DCAF1: variants seen among roughly 807,000 people sequenced by gnomAD.
DCAF1 encodes DDB1 and CUL4 associated factor 1, also known as DDB1- and CUL4-associated factor 1.
A neutral mutation model predicts 128.0 loss-of-function variants in DCAF1; 15 were observed. The observed-to-expected ratio is 0.12, with a 90% CI of 0.08 to 0.18. The LOEUF is 0.18. DCAF1 is among the 10% of genes least tolerant of loss of function. The pLI, the probability that DCAF1 is intolerant of heterozygous loss-of-function variation, is 1.00. For missense variants in DCAF1, 988 were observed against 1,649.5 expected (o/e 0.60, Z 6.95); for synonymous variants, 610 against 603.0 (o/e 1.01, Z -0.17).
chr3:51,492,676 T>C (rs1553658671), intron 2 of DCAF1, among the ~76,000 whole-genome samples: 1 of 152,072 alleles, frequency 6.6e-6, no homozygotes, highest in Non-Finnish European at 1.5e-5. Flanking sequence ...GTGAAGAAAC[T>C]GGAACACATA....
At chr3:51,501,536 C>T (rs1421961276), upstream of DCAF1, among the ~76,000 whole-genome samples, 1 of 152,156 alleles carries the variant, frequency 6.6e-6, no homozygotes, top group East Asian at 1.9e-4. Flanking sequence ...CACATGAATA[C>T]AAGACACAGC....
At chr3:51,489,677 C>T (rs1425969293) in intron 2 of DCAF1, among the ~76,000 whole-genome samples, 3 of 151,484 alleles carry the variant, frequency 2.0e-5, no homozygotes, top group Admixed American at 6.6e-5. Context: ...ATCCCAGCTT[C>T]GGGGGAGGCT....
Position 51,419,922 on chromosome 3 carries a change from A to G in DCAF1, c.3048T>C (p.His1016=), listed in dbSNP as rs1553631773. ...SIITEYLREQ[H]ARCKNPVATC... is the part of the protein sequence containing the mutation. Reference sequence around the variant, plus strand: ...TGGCAACTGGATTCTTGCAGCGAGCATGTTGTTCTCTAAGATACTCTGTGA... The same window carrying G: ...TGGCAACTGGATTCTTGCAGCGAGCGTGTTGTTCTCTAAGATACTCTGTGA... The change falls in exon 15 of 25, where the codon CAT becomes CAC. Residue 1016 remains histidine, a synonymous_variant. Coordinates refer to ENST00000684031, the MANE Select transcript of DCAF1 (RefSeq NM_001387579.1). 1.2e-6 allele frequency: 2 copies of G among 1,613,938 alleles called. No homozygotes were observed. The highest frequency in any genetic ancestry group is 1.3e-5 in the African/African-American group (1 of 74,944).
intron 23 of DCAF1, among the ~76,000 whole-genome samples, chr3:51,404,354 A>G (rs2089955971): frequency 6.6e-6 from 1 of 152,246 alleles, no homozygotes; most frequent in African/African-American, 2.4e-5. Context: ...CATCAACCTA[A>G]TGAAATTCAA....
intron 3 of DCAF1, among the ~76,000 whole-genome samples, chr3:51,478,981 C>T (rs1705826312): frequency 1.3e-5 from 2 of 152,240 alleles, no homozygotes; most frequent in South Asian, 4.1e-4. Context: ...GAGATCACTG[C>T]ACAAACAAAA....
At chr3:51,499,114 C>T (rs1439624556) in intron 1 of DCAF1, among the ~76,000 whole-genome samples, 1 of 152,150 alleles carries the variant, frequency 6.6e-6, no homozygotes, top group Non-Finnish European at 1.5e-5. Flanking sequence ...AAAACCAGAG[C>T]GCTGCCACCG....
chr3:51,477,331 A>G (rs1450404186), intron 3 of DCAF1, among the ~76,000 whole-genome samples: 1 of 151,774 alleles, frequency 6.6e-6, no homozygotes, highest in Non-Finnish European at 1.5e-5. Flanking sequence ...AAAAAAAAAC[A>G]AAAAACCCTA....
intron 12 of DCAF1, among the ~76,000 whole-genome samples, chr3:51,428,286 C>T (rs1426522253): frequency 6.6e-6 from 1 of 151,478 alleles, no homozygotes; most frequent in East Asian, 1.9e-4. Context: ...AGTGACTCTC[C>T]CATCTCAGCC....
At position 51,476,903 on chromosome 3, in the gene DCAF1, A is replaced by G. The variant is rs1200434666; in HGVS notation, c.111-5898T>C. Among the ~76,000 whole-genome samples the G allele has an allele frequency of 1.3e-5, 2 of 151,784 alleles. 1 individual carries two copies. Among genetic ancestry groups the G allele is most frequent in the Non-Finnish European group, 2.9e-5 (2 of 67,952 alleles). On this transcript the variant is annotated intron_variant, in intron 3 of 24. Transcript: ENST00000684031. ...AAAAGACCAGCCTGGCCAACGTGGT[A>G]AAACCCTGTCTCTATTAAAAAAAAC... is the stretch of plus-strand genomic sequence containing the variant.
chr3:51,449,532 C>G (rs1015156109), intron 6 of DCAF1, among the ~76,000 whole-genome samples: 2 of 151,990 alleles, frequency 1.3e-5, no homozygotes. Context: ...GCTGCAAACA[C>G]ATGCAATTAA....
chr3:51,456,796 C>T (rs1305853287), intron 6 of DCAF1, among the ~76,000 whole-genome samples: 3 of 152,198 alleles, frequency 2.0e-5, no homozygotes, highest in Non-Finnish European at 2.9e-5. Flanking sequence ...GATACCCAGG[C>T]AAACAGGGTC....
intron 10 of DCAF1, 25 bp downstream of exon 10, chr3:51,433,081 C>T (rs1700530283): frequency 2.5e-6 from 1 of 398,310 alleles, no homozygotes; most frequent in African/African-American, 2.1e-5. Flanking sequence ...AATCTCATCC[C>T]CACAAACCTG....
chr3:51,417,490 G>A (rs371312624), intron 17 of DCAF1, among the ~76,000 whole-genome samples: 14 of 151,382 alleles, frequency 9.2e-5, no homozygotes, highest in East Asian at 3.9e-4. Flanking sequence ...GGAGGCCAAG[G>A]CCAGCGGATC....
At chr3:51,471,108 T>G in intron 3 of DCAF1, 103 bp from the exon 4 acceptor site, 1 of 641,142 alleles carries the variant, frequency 1.6e-6, no homozygotes, top group Non-Finnish European at 2.6e-6. Context: ...AAAAGCAAAG[T>G]TAGAAAAAGA....
In DCAF1 at chr3:51,403,312, C is replaced by A; in HGVS notation, c.4296G>T (p.Leu1432Phe). The change falls in exon 24 of 25, where the codon TTG (leucine) becomes TTT (phenylalanine). Residue 1432 changes from leucine (L) to phenylalanine (F), a missense_variant. Coordinates refer to ENST00000684031, the MANE Select transcript of DCAF1 (RefSeq NM_001387579.1). ...CGTCCTCCTCCAACTCCGCCTCCAG[C>A]AACTGGTCAGTGTCAAGCTCATCTA... ...DDLDELDTDQLLEAELEEDDN... is the reference protein window; with the variant it reads ...DDLDELDTDQFLEAELEEDDN... 6.3e-7 allele frequency: 1 copy of A among 1,577,122 alleles called. No homozygotes were observed.
chr3:51,410,278 C>T (rs901978939), intron 23 of DCAF1, among the ~76,000 whole-genome samples: 3 of 152,244 alleles, frequency 2.0e-5, no homozygotes, highest in Non-Finnish European at 2.9e-5. Context: ...GATCACGAAT[C>T]ATCTCGGGCC....
chr3:51,486,896 T>C (rs1707029802), intron 2 of DCAF1, among the ~76,000 whole-genome samples: 1 of 152,012 alleles, frequency 6.6e-6, no homozygotes, highest in East Asian at 1.9e-4. Flanking sequence ...CCTCCCAAAG[T>C]GCTGGGATTA....
At position 51,403,243 on chromosome 3, in the gene DCAF1, A is replaced by G; in HGVS notation, c.4365T>C (p.Ser1455=). The part of the protein sequence containing the change: ...NAGEDGDNDF[S]PSDEELANLL... ...GGTTTGCTAGCTCCTCATCAGAGGG[A>G]GAGAAGTCATTGTCCCCATCTTCCC... The change falls in exon 24 of 25, where the codon TCT becomes TCC. Residue 1455 remains serine, a synonymous_variant. Transcript: ENST00000684031. The G allele has an allele frequency of 6.2e-7, 1 of 1,613,766 alleles. No individual in the cohort carries two copies. Among genetic ancestry groups the G allele is most frequent in the Non-Finnish European group, 8.5e-7 (1 of 1,179,834 alleles).
chr3:51,428,994 T>C (rs1273264973), intron 12 of DCAF1, among the ~76,000 whole-genome samples: 3 of 152,050 alleles, frequency 2.0e-5, no homozygotes, highest in East Asian at 3.8e-4. Context: ...GGGAGACGTA[T>C]CTCAAAAAGA....
Sources: gnomAD v4.1 joint callset for allele counts (sites outside exome capture counted in the v4.1 genomes callset) on GRCh38, gnomAD v4.1.1 for gene constraint, MANE v1.5 for transcripts, NCBI Gene and HGNC (gene_info 2026-07-23, HGNC 2026-07-21) for gene names.